The following CNTN1 variants were observed in gnomAD, a reference collection of about 807,000 sequenced individuals.
CNTN1 encodes the protein contactin 1.
A neutral mutation model predicts 126.4 loss-of-function variants in CNTN1; 38 were observed. That is an observed-to-expected ratio of 0.30 (90% CI 0.23 to 0.39). The LOEUF (loss-of-function observed/expected upper bound fraction) is 0.39, where lower values mean the gene tolerates loss of function less well. Ranked by LOEUF, CNTN1 falls within the 10% of genes least tolerant of loss-of-function variation. The pLI is 1.00. For synonymous variants in CNTN1, 413 were observed against 422.6 expected, an observed-to-expected ratio of 0.98 and a Z score of 0.28; for missense variants, 1,009 against 1,248.4, an observed-to-expected ratio of 0.81 and a Z score of 2.89.
rs17120936 is a variant in CNTN1 at position 40,725,888 on chromosome 12, A to G, written c.-77+33296A>G. ...AAGGAGGCCAGAACTCTGAGATTAC[A>G]TAGGCGTTTAGTAGGCATTCAATTA... is the stretch of plus-strand genomic sequence containing the variant. On this transcript the variant is annotated intron_variant, in intron 1 of 23. Transcript: ENST00000551295. 1.7e-3 allele frequency among the ~76,000 whole-genome samples: 260 copies of G among 152,116 alleles called. 2 individuals carry two copies. The East Asian group carries it at 0.021, about 12-fold the overall frequency.
At chr12:40,993,079 TAATC>T in intron 16 of CNTN1, 37 bp from the exon 17 acceptor site, 2 of 1,562,764 alleles carry the variant, frequency 1.3e-6, no homozygotes, top group Non-Finnish European at 1.8e-6. Context: ...AGTGATAAGT[TAATC>T]AACCTGTATT....
intron 6 of CNTN1, among the ~76,000 whole-genome samples, chr12:40,928,202 C>T (rs547368980): frequency 6.6e-6 from 1 of 151,806 alleles, no homozygotes; most frequent in South Asian, 2.1e-4. Context: ...AACAGAAATC[C>T]TTACAAAATT....
chr12:40,819,708 C>T (rs66467974), intron 1 of CNTN1, among the ~76,000 whole-genome samples: 9 of 152,170 alleles, frequency 5.9e-5, no homozygotes, highest in African/African-American at 1.7e-4. Context: ...GCCCCTCCCC[C>T]CTGGAGTTCA....
intron 23 of CNTN1, among the ~76,000 whole-genome samples, chr12:41,040,779 T>C (rs1334901426): frequency 6.6e-6 from 1 of 150,692 alleles, no homozygotes; most frequent in African/African-American, 2.4e-5. Flanking sequence ...CCTGAGACTT[T>C]GCTGAAGTTG....
chr12:40,773,670 TATACAC>T (rs1260938189), intron 1 of CNTN1, among the ~76,000 whole-genome samples: 35 of 10,130 alleles, frequency 3.5e-3, no homozygotes, highest in African/African-American at 5.9e-3. Context: ...TATATATATA[TATACAC>T]ATATATATAT....
intron 1 of CNTN1, among the ~76,000 whole-genome samples, chr12:40,802,098 G>T (rs746353130): frequency 6.6e-6 from 1 of 151,926 alleles, no homozygotes; most frequent in African/African-American, 2.4e-5. Flanking sequence ...AGGAAGACCA[G>T]ATTTTGGGAA....
intron 1 of CNTN1, among the ~76,000 whole-genome samples, chr12:40,869,904 C>T (rs1032302690): frequency 6.6e-6 from 1 of 152,184 alleles, no homozygotes; most frequent in Non-Finnish European, 1.5e-5. Context: ...GCTTTGTCCA[C>T]ACCAAAATCT....
chr12:40,834,938 A>G (rs942530974), intron 1 of CNTN1, among the ~76,000 whole-genome samples: 4 of 152,170 alleles, frequency 2.6e-5, no homozygotes, highest in Admixed American at 1.3e-4. Flanking sequence ...TGGGTTTCCT[A>G]TAAATTGAGT....
intron 1 of CNTN1, among the ~76,000 whole-genome samples, chr12:40,820,752 T>C (rs1250174197): frequency 1.3e-5 from 2 of 152,218 alleles, no homozygotes; most frequent in African/African-American, 2.4e-5. Context: ...GGAAACCATG[T>C]TGGCACCTGA....
rs143745384 is a variant in CNTN1 at position 40,949,768 on chromosome 12, G to A, written c.1683+5598G>A. ...TTTTTGTATTTTTAGTAGAGATGGG[G>A]TTTCACCATCTTGGCCAGGCTGGTC... On this transcript the variant is annotated intron_variant, in intron 14 of 23. Coordinates refer to ENST00000551295, the MANE Select transcript of CNTN1 (RefSeq NM_001843.4). Among the ~76,000 whole-genome samples, 365 of 151,342 alleles carry A rather than the reference G, an allele frequency of 2.4e-3. 1 individual carries two copies. The highest frequency in any genetic ancestry group is 8.5e-3 in the African/African-American group (352 of 41,252).
At chr12:40,801,010 G>GTTTTTTTTTTTTTTTTTT (rs35813803) in intron 1 of CNTN1, among the ~76,000 whole-genome samples, 1 of 142,728 alleles carries the variant, frequency 7.0e-6, no homozygotes, top group Non-Finnish European at 1.5e-5. Flanking sequence ...TCAAACTAGA[G>GTTTTTTTTTTTTTTTTTT]TTTTGTTTTT....
chr12:41,017,120 C>G (rs1369955391), intron 19 of CNTN1, among the ~76,000 whole-genome samples: 1 of 152,034 alleles, frequency 6.6e-6, no homozygotes, highest in African/African-American at 2.4e-5. Context: ...TCTTTTTCAT[C>G]ATTTAGATCA....
intron 12 of CNTN1, among the ~76,000 whole-genome samples, chr12:40,941,145 T>C (rs558577480): frequency 7.4e-4 from 113 of 152,314 alleles, no homozygotes; most frequent in African/African-American, 2.4e-3. Flanking sequence ...TTTTACAAGT[T>C]TGATTGTGTT....
chr12:40,952,764 G>C (rs771147896), intron 14 of CNTN1, among the ~76,000 whole-genome samples: 5 of 152,100 alleles, frequency 3.3e-5, no homozygotes, highest in Non-Finnish European at 2.9e-5. Context: ...AGTTGGATAT[G>C]ACATATTTGC....
At chr12:40,940,552 T>A (rs1459136808) in intron 12 of CNTN1, among the ~76,000 whole-genome samples, 1 of 152,210 alleles carries the variant, frequency 6.6e-6, no homozygotes, top group Non-Finnish European at 1.5e-5. Context: ...CATATTTTGA[T>A]GTGTCTAAAG....
At chr12:40,983,740 T>TATAC (rs1947879229) in intron 16 of CNTN1, among the ~76,000 whole-genome samples, 1 of 147,908 alleles carries the variant, frequency 6.8e-6, no homozygotes, top group African/African-American at 2.5e-5. Context: ...ACTATATATA[T>TATAC]ATACTATATA....
chr12:40,775,874 G>A (rs973569632), intron 1 of CNTN1, among the ~76,000 whole-genome samples: 2 of 151,602 alleles, frequency 1.3e-5, no homozygotes, highest in Non-Finnish European at 3.0e-5. Flanking sequence ...AAGCCCCAGA[G>A]ATCAATGTGA....
At chr12:40,731,054 T>C (rs1942487739) in intron 1 of CNTN1, among the ~76,000 whole-genome samples, 1 of 151,816 alleles carries the variant, frequency 6.6e-6, no homozygotes, top group African/African-American at 2.4e-5. Flanking sequence ...AAATATATAC[T>C]TGAGGAGAGT....
At position 40,907,461 on chromosome 12, in the gene CNTN1, G is replaced by A. The variant is rs780837672; in HGVS notation, c.-76-896G>A. Among the ~76,000 whole-genome samples the A allele has an allele frequency of 1.8e-4, 27 of 152,130 alleles. 1 individual carries two copies. The highest frequency in any genetic ancestry group is 3.7e-4 in the Non-Finnish European group (25 of 68,040). On this transcript the variant is annotated intron_variant, in intron 1 of 23. Transcript: ENST00000551295. The stretch of plus-strand genomic sequence containing the variant: ...TAGTCACAGTGGTGGATTTTACCAC[G>A]GAGATGATGAAACTTAAGTAGCAGG...
Sources: gnomAD v4.1 joint callset for allele counts (sites outside exome capture counted in the v4.1 genomes callset) on GRCh38, gnomAD v4.1.1 for gene constraint, MANE v1.5 for transcripts, NCBI Gene and HGNC (gene_info 2026-07-23, HGNC 2026-07-21) for gene names.